Variants in PARD3 observed in about 807,000 individuals in gnomAD.
The protein encoded by PARD3 is partitioning defective 3 homolog.
Under a neutral mutation model 155.4 loss-of-function variants are expected in PARD3, and 75 were observed. That is an observed-to-expected ratio of 0.48 (90% CI 0.40 to 0.58). PARD3 has a LOEUF of 0.58. Ranked by LOEUF, PARD3 falls within the 20% of genes least tolerant of loss-of-function variation. The probability of loss-of-function intolerance (pLI) is 0.00; values close to 1 mark genes in which losing one functional copy is unlikely to be tolerated. For synonymous variants in PARD3, 576 were observed against 610.5 expected (o/e 0.94, Z 0.83); for missense variants, 1,642 against 1,721.7 (o/e 0.95, Z 0.82).
intron 2 of PARD3, among the ~76,000 whole-genome samples, chr10:34,670,860 A>G (rs2093598161): frequency 6.6e-6 from 1 of 152,230 alleles, no homozygotes; most frequent in Non-Finnish European, 1.5e-5. Flanking sequence ...AACTTGGATC[A>G]TCATCAACCT....
intron 22 of PARD3, among the ~76,000 whole-genome samples, chr10:34,228,628 G>C (rs776538051): frequency 6.6e-6 from 1 of 151,978 alleles, no homozygotes; most frequent in Non-Finnish European, 1.5e-5. Context: ...CACTTTAAAC[G>C]GGTGAATTAT....
At chr10:34,432,423 A>T (rs955231050) in intron 5 of PARD3, among the ~76,000 whole-genome samples, 2 of 151,946 alleles carry the variant, frequency 1.3e-5, no homozygotes, top group South Asian at 4.2e-4. Flanking sequence ...GGTAAGACAT[A>T]AAAAATTAGA....
intron 2 of PARD3, among the ~76,000 whole-genome samples, chr10:34,550,502 C>G (rs1246717183): frequency 2.0e-5 from 3 of 152,196 alleles, no homozygotes; most frequent in African/African-American, 4.8e-5. Flanking sequence ...CATGAGCCAT[C>G]TCGCCTGGCC....
intron 20 of PARD3, among the ~76,000 whole-genome samples, chr10:34,313,331 T>TGATA (rs778530612): frequency 1.3e-5 from 2 of 152,226 alleles, no homozygotes; most frequent in Non-Finnish European, 2.9e-5. Flanking sequence ...TTAATTAAGG[T>TGATA]GATAGAAGCT....
chr10:34,252,469 C>T (rs758414344), intron 22 of PARD3, among the ~76,000 whole-genome samples: 9 of 152,094 alleles, frequency 5.9e-5, no homozygotes, highest in Non-Finnish European at 1.3e-4. Flanking sequence ...CATGGGCAAG[C>T]GCTGGCAGAG....
At position 34,269,914 on chromosome 10, in the gene PARD3, C is replaced by G. The variant is rs1199246420; in HGVS notation, c.3177-15G>C. 1.9e-6 allele frequency: 3 copies of G among 1,610,990 alleles called. No homozygotes were observed. On this transcript the variant is annotated splice_polypyrimidine_tract_variant and intron_variant, in intron 21 of 24. Transcript: ENST00000374788. ...TGGCTTGAATCCTATGAAATCAGAA[C>G]AAAGTTGAAATAAGAGAAACCTTTC... is the stretch of plus-strand genomic sequence containing the variant.
chr10:34,410,176 T>C (rs543251208), intron 5 of PARD3, among the ~76,000 whole-genome samples: 3 of 152,306 alleles, frequency 2.0e-5, no homozygotes, highest in South Asian at 4.1e-4. Flanking sequence ...ATAAGTGTCC[T>C]TCATCTTCTA....
intron 1 of PARD3, among the ~76,000 whole-genome samples, chr10:34,756,477 TAAAAAAAAA>T (rs34468358): frequency 1.8e-4 from 15 of 83,280 alleles, no homozygotes; most frequent in Admixed American, 1.7e-3. Context: ...TTTTTTCTTA[TAAAAAAAAA>T]AAAAAAAAAA....
intron 5 of PARD3, chr10:34,426,752 G>A (rs1187636490): frequency 6.6e-6 from 1 of 152,130 alleles, no homozygotes; most frequent in African/African-American, 2.4e-5. Context: ...ACCAGAAAAG[G>A]AAGTAGAAGA....
chr10:34,737,753 T>C (rs979547799), intron 1 of PARD3, among the ~76,000 whole-genome samples: 1 of 152,190 alleles, frequency 6.6e-6, no homozygotes, highest in Non-Finnish European at 1.5e-5. Flanking sequence ...TTCAGAGCCG[T>C]GAGAAATAAA....
intron 5 of PARD3, among the ~76,000 whole-genome samples, chr10:34,420,869 A>G (rs1163724165): frequency 1.3e-5 from 2 of 152,234 alleles, no homozygotes; most frequent in African/African-American, 2.4e-5. Flanking sequence ...ATAATCTTCA[A>G]TCTGTAATTT....
rs1955871728 is a variant in PARD3, at chr10:34,276,243, T to C, written c.3177-6344A>G. Among the ~76,000 whole-genome samples, 4 of 45,762 alleles carry C rather than the reference T, an allele frequency of 8.7e-5. No homozygotes were observed. The South Asian group carries it at 7.1e-3, about 81-fold the overall frequency. 30.0% of individuals were successfully genotyped at this position (45,762 alleles called of 152,430 possible). On this transcript the variant is annotated intron_variant, in intron 21 of 24. Coordinates refer to ENST00000374788, the MANE Select transcript of PARD3 (RefSeq NM_001184785.2). Reference sequence around the variant, plus strand: ...TTCAAGCATAAATACATCTTTCCTTTTTGTAAAAAAAAAAATAAAGTGTTC... The same window carrying C: ...TTCAAGCATAAATACATCTTTCCTTCTTGTAAAAAAAAAAATAAAGTGTTC...
At chr10:34,244,885 T>C (rs377369906) in intron 22 of PARD3, among the ~76,000 whole-genome samples, 1 of 152,156 alleles carries the variant, frequency 6.6e-6, no homozygotes, top group African/African-American at 2.4e-5. Flanking sequence ...CTTATCCTTA[T>C]CTCCTTAAGA....
chr10:34,422,756 T>C lies in PARD3; in HGVS notation c.715-20839A>G, dbSNP rs139070388. ...ACATATCACCTTCCACCTGTTACAA[T>C]GGCTACTATCAAAAAAATGAACGAT... On this transcript the variant is annotated intron_variant, in intron 5 of 24. Transcript: ENST00000374788. Among the ~76,000 whole-genome samples the C allele has an allele frequency of 6.3e-4, 96 of 152,272 alleles. 1 individual carries two copies. The highest frequency in any genetic ancestry group is 6.0e-3 in the South Asian group (29 of 4,826).
At chr10:34,465,483 G>C (rs2077952719) in intron 4 of PARD3, among the ~76,000 whole-genome samples, 2 of 152,032 alleles carry the variant, frequency 1.3e-5, no homozygotes. Flanking sequence ...GTGTATCGGG[G>C]GTATTGGAAA....
chr10:34,378,727 C>A (rs1841511734), intron 9 of PARD3, among the ~76,000 whole-genome samples: 1 of 152,188 alleles, frequency 6.6e-6, no homozygotes, highest in African/African-American at 2.4e-5. Context: ...CCACCCCCCA[C>A]TCCCAAACAA....
chr10:34,719,939 C>G (rs909578709), intron 1 of PARD3, among the ~76,000 whole-genome samples: 13 of 152,128 alleles, frequency 8.5e-5, no homozygotes, highest in Non-Finnish European at 4.4e-5. Context: ...GATGCGAAGC[C>G]TCCAGTTTTG....
intron 22 of PARD3, among the ~76,000 whole-genome samples, chr10:34,149,639 G>A (rs959411584): frequency 3.3e-5 from 5 of 152,088 alleles, no homozygotes; most frequent in Admixed American, 2.0e-4. Flanking sequence ...ATGATCTCAC[G>A]TTTATCAAAG....
At chr10:34,165,442 G>A (rs1949484880) in intron 22 of PARD3, among the ~76,000 whole-genome samples, 1 of 152,202 alleles carries the variant, frequency 6.6e-6, no homozygotes, top group African/African-American at 2.4e-5. Flanking sequence ...CCAGAACCAT[G>A]TGTTTACTGG....
Sources: allele counts gnomAD v4.1 joint callset (sites outside exome capture counted in the v4.1 genomes callset), GRCh38; gene constraint gnomAD v4.1.1; transcripts MANE v1.5; gene names NCBI Gene and HGNC (gene_info 2026-07-23, HGNC 2026-07-21).